The following TBCD variants were observed in gnomAD, a reference collection of about 807,000 sequenced individuals.
TBCD encodes tubulin-specific chaperone D.
Under a neutral mutation model 169.3 loss-of-function variants are expected in TBCD, and 105 were observed. The observed-to-expected ratio is 0.62, with a 90% CI of 0.53 to 0.73. The LOEUF is 0.73. Ranked by LOEUF, TBCD falls within the 30% of genes least tolerant of loss-of-function variation. TBCD has a pLI of 0.00. For missense variants in TBCD, 1,444 were observed against 1,600.1 expected, an observed-to-expected ratio of 0.90 and a Z score of 1.66; for synonymous variants, 700 against 643.9, an observed-to-expected ratio of 1.09 and a Z score of -1.32.
At chr17:82,830,270 G>A in intron 13 of TBCD, 1 of 1,614,226 alleles carries the variant, frequency 6.2e-7, no homozygotes, top group Non-Finnish European at 8.5e-7. Flanking sequence ...TTGGGTCTGA[G>A]GTCACACTGG....
At chr17:82,791,415 C>T (rs1010001906) in intron 7 of TBCD, among the ~76,000 whole-genome samples, 22 of 152,124 alleles carry the variant, frequency 1.4e-4, no homozygotes, top group African/African-American at 5.1e-4. Context: ...TCTTTTCTAG[C>T]ATCTTACCTC....
chr17:82,830,323 C>A, intron 13 of TBCD: 1 of 1,614,090 alleles, frequency 6.2e-7, no homozygotes, highest in Non-Finnish European at 8.5e-7. Flanking sequence ...TGTGTCTTGC[C>A]GGCAGGCAGG....
Position 82,809,790 on chromosome 17 carries a change from A to T in TBCD, c.1223+8A>T, listed in dbSNP as rs374106917. ...TGTGCTGGACTGCTTCAGGTATGTG[A>T]GAAGAGCAGGGGAGGCGTGTGGGCC... is the stretch of plus-strand genomic sequence containing the variant. On this transcript the variant is annotated splice_region_variant and intron_variant, in intron 12 of 38. Transcript: ENST00000355528. 2.6e-4 allele frequency: 415 copies of T among 1,612,852 alleles called. No homozygotes were observed. Among genetic ancestry groups the T allele is most frequent in the Non-Finnish European group, 3.3e-4 (389 of 1,179,434 alleles).
intron 13 of TBCD, among the ~76,000 whole-genome samples, chr17:82,850,391 T>TGCTGTTGTTGGCTGTGC: frequency 6.6e-6 from 1 of 150,434 alleles, no homozygotes; most frequent in African/African-American, 2.5e-5. Flanking sequence ...GGCTGTGCTG[T>TGCTGTTGTTGGCTGTGC]TGTTGGCTGT....
At chr17:82,938,275 G>A (rs956749583) in intron 36 of TBCD, 139 bp downstream of exon 36, 22 of 963,834 alleles carry the variant, frequency 2.3e-5, no homozygotes, top group Admixed American at 4.2e-5. Context: ...GTGACGACGC[G>A]TCACAGGCAC....
chr17:82,763,697 C>T (rs1163692238), intron 2 of TBCD, among the ~76,000 whole-genome samples: 8 of 151,858 alleles, frequency 5.3e-5, no homozygotes, highest in African/African-American at 9.7e-5. Flanking sequence ...GCTGAGATCA[C>T]GCCACTGCAC....
chr17:82,900,451 T>G (rs2059809428), intron 17 of TBCD, 200 bp from the exon 18 acceptor site: 1 of 547,812 alleles, frequency 1.8e-6, no homozygotes, highest in Admixed American at 3.4e-5. Context: ...TGAAGCTGTG[T>G]GCACGTTTGT....
At chr17:82,941,551 G>T (rs1233501791) in intron 38 of TBCD, 68 bp downstream of exon 38, 2 of 1,420,508 alleles carry the variant, frequency 1.4e-6, no homozygotes, top group Admixed American at 2.0e-5. Flanking sequence ...TCTGGGGCCA[G>T]CGGCTGTGCT....
chr17:82,909,226 C>T (rs1346474123), intron 21 of TBCD, 59 bp from the exon 22 acceptor site: 7 of 1,297,026 alleles, frequency 5.4e-6, no homozygotes, highest in East Asian at 2.6e-5. Context: ...CAGTTGTTAA[C>T]GTATACGTAT....
intron 13 of TBCD, chr17:82,830,323 C>T (rs2053367115): frequency 4.3e-6 from 7 of 1,614,090 alleles, no homozygotes; most frequent in South Asian, 2.2e-5. Flanking sequence ...TGTGTCTTGC[C>T]GGCAGGCAGG....
Position 82,927,097 on chromosome 17 carries a change from C to G in TBCD, c.2472-89C>G, listed in dbSNP as rs549586248. The G allele has an allele frequency of 2.2e-5, 35 of 1,567,100 alleles. No homozygotes were observed. The African/African-American group carries it at 3.9e-4, about 17-fold the overall frequency. On this transcript the variant is annotated intron_variant, in intron 28 of 38. Transcript: ENST00000355528. ...CTGGACTGTTCTGAGCGTGTCTTCTCAGGATCAGGAACACACATCAGCCCT... is the reference window on the plus strand; with the variant it reads ...CTGGACTGTTCTGAGCGTGTCTTCTGAGGATCAGGAACACACATCAGCCCT...
At chr17:82,805,679 G>T (rs2050909333) in intron 9 of TBCD, among the ~76,000 whole-genome samples, 196 bp from the exon 10 acceptor site, 1 of 152,204 alleles carries the variant, frequency 6.6e-6, no homozygotes, top group Admixed American at 6.5e-5. Flanking sequence ...GTGTTTTGTG[G>T]CCCACACCAG....
At position 82,887,810 on chromosome 17, in the gene TBCD, T is replaced by C. The variant is rs571166623; in HGVS notation, c.1534-1858T>C. Among the ~76,000 whole-genome samples, 8 of 152,330 alleles carry C rather than the reference T, an allele frequency of 5.3e-5. No homozygotes were observed. In the East Asian group the frequency reaches 1.5e-3, roughly 29 times the overall value. ...TTGACAGGCATGTGGTGATACGTCG[T>C]TGTGGTCTTTACCTGCGTTTCTGTC... is the stretch of plus-strand genomic sequence containing the variant. On this transcript the variant is annotated intron_variant, in intron 15 of 38. Transcript: ENST00000355528.
At chr17:82,899,821 C>T (rs548400065) in intron 17 of TBCD, among the ~76,000 whole-genome samples, 10 of 152,276 alleles carry the variant, frequency 6.6e-5, no homozygotes, top group Middle Eastern at 6.8e-3. Context: ...TTTACCCATT[C>T]GAGTGGGGGT....
chr17:82,761,233 G>C (rs1267413637), intron 2 of TBCD, among the ~76,000 whole-genome samples: 1 of 152,102 alleles, frequency 6.6e-6, no homozygotes, highest in Non-Finnish European at 1.5e-5. Context: ...CAAAGTGCTG[G>C]GATTACAGGC....
At chr17:82,830,483 G>C (rs912971659) in intron 13 of TBCD, 1 of 1,613,222 alleles carries the variant, frequency 6.2e-7, no homozygotes, top group African/African-American at 1.3e-5. Flanking sequence ...GGGCCTGTGG[G>C]TGGGGCCCCG....
chr17:82,887,916 T>C lies in TBCD; in HGVS notation c.1534-1752T>C, dbSNP rs148949493. 1.0e-3 allele frequency among the ~76,000 whole-genome samples: 159 copies of C among 152,336 alleles called. 3 individuals carry two copies. The East Asian group carries it at 0.029, about 27-fold the overall frequency. ...TTTGGTGAAATGTCTGCTCAGGTCT[T>C]TTACTCATTTCTAAGTGGATTGTTT... is the stretch of plus-strand genomic sequence containing the variant. On this transcript the variant is annotated intron_variant, in intron 15 of 38. Transcript: ENST00000355528.
At chr17:82,938,186 C>T (rs1196797363) in intron 36 of TBCD, 50 bp downstream of exon 36, 5 of 1,571,978 alleles carry the variant, frequency 3.2e-6, no homozygotes, top group East Asian at 2.3e-5. Context: ...ACACAAGCCC[C>T]TCAGTGACAA....
At chr17:82,919,567 A>C (rs1172464021) in intron 23 of TBCD, among the ~76,000 whole-genome samples, 2 of 152,018 alleles carry the variant, frequency 1.3e-5, no homozygotes, top group African/African-American at 4.8e-5. Context: ...GCAGAAGAGG[A>C]GCAGACTCAC....
Sources: gnomAD v4.1 joint callset for allele counts (sites outside exome capture counted in the v4.1 genomes callset) on GRCh38, gnomAD v4.1.1 for gene constraint, MANE v1.5 for transcripts, NCBI Gene and HGNC (gene_info 2026-07-23, HGNC 2026-07-21) for gene names.